The following PTPRD variants were observed in gnomAD, a reference collection of about 807,000 sequenced individuals.
The protein encoded by PTPRD is protein tyrosine phosphatase receptor type D.
A neutral mutation model predicts 214.5 loss-of-function variants in PTPRD; 34 were observed. That is an observed-to-expected ratio of 0.16 (90% CI 0.12 to 0.21). The LOEUF (loss-of-function observed/expected upper bound fraction) is 0.21, where lower values mean the gene tolerates loss of function less well. Ranked by LOEUF, PTPRD falls within the 10% of genes least tolerant of loss-of-function variation. The pLI, the probability that PTPRD is intolerant of heterozygous loss-of-function variation, is 1.00. For missense variants in PTPRD, 2,545 were observed against 2,398.7 expected (o/e 1.06, Z -1.27); for synonymous variants, 1,128 against 845.7 (o/e 1.33, Z -5.79).
In PTPRD at chr9:8,570,808, A is replaced by G. The variant is rs375466977; in HGVS notation, c.353-42029T>C. Among the ~76,000 whole-genome samples, 50 of 152,150 alleles carry G rather than the reference A, an allele frequency of 3.3e-4. 2 individuals are homozygous for G. The highest frequency in any genetic ancestry group is 1.2e-3 in the African/African-American group (49 of 41,524). On this transcript the variant is annotated intron_variant, in intron 14 of 45. Coordinates refer to ENST00000381196, the MANE Select transcript of PTPRD (RefSeq NM_002839.4). ...TAATGCTATTCCTCTTTGTCTGCAC[A>G]AAGCACCATGGCATAAAAAGCACAT...
intron 5 of PTPRD, among the ~76,000 whole-genome samples, chr9:9,790,136 T>G (rs2098957203): frequency 6.6e-6 from 1 of 152,160 alleles, no homozygotes; most frequent in Non-Finnish European, 1.5e-5. Context: ...GACTGTACTA[T>G]TCGTTAGCTC....
intron 12 of PTPRD, among the ~76,000 whole-genome samples, chr9:8,722,669 A>G (rs2098513756): frequency 6.6e-6 from 1 of 152,166 alleles, no homozygotes; most frequent in African/African-American, 2.4e-5. Context: ...CTGCAATTCT[A>G]TGTTGACCAT....
At chr9:10,487,161 C>T (rs1257812214) in intron 2 of PTPRD, among the ~76,000 whole-genome samples, 1 of 152,072 alleles carries the variant, frequency 6.6e-6, no homozygotes, top group East Asian at 1.9e-4. Context: ...TCTTTCCATT[C>T]CTTTATTTTC....
chr9:10,171,404 C>T (rs75788021), intron 3 of PTPRD, among the ~76,000 whole-genome samples: 1 of 152,186 alleles, frequency 6.6e-6, no homozygotes, highest in East Asian at 1.9e-4. Flanking sequence ...TTCTCTCTTG[C>T]CACGGACATG....
intron 2 of PTPRD, among the ~76,000 whole-genome samples, chr9:10,605,304 C>G (rs1349341853): frequency 6.6e-6 from 1 of 151,860 alleles, no homozygotes; most frequent in Non-Finnish European, 1.5e-5. Context: ...TTGACTGTAA[C>G]TGCTATTGTA....
chr9:8,487,111 A>T (rs1418192915), intron 27 of PTPRD, among the ~76,000 whole-genome samples: 1 of 152,238 alleles, frequency 6.6e-6, no homozygotes, highest in African/African-American at 2.4e-5. Context: ...AATGGGAATT[A>T]TATTAAGAGC....
chr9:9,082,290 A>G (rs186455438), intron 10 of PTPRD, among the ~76,000 whole-genome samples: 1 of 152,282 alleles, frequency 6.6e-6, no homozygotes, highest in East Asian at 1.9e-4. Context: ...CTGGGACACA[A>G]GGGTGGTTCA....
chr9:9,588,884 G>C (rs2092399546), intron 7 of PTPRD, among the ~76,000 whole-genome samples: 1 of 151,782 alleles, frequency 6.6e-6, no homozygotes, highest in South Asian at 2.1e-4. Context: ...TTATAGTTGG[G>C]TTCAAACTCT....
intron 35 of PTPRD, among the ~76,000 whole-genome samples, chr9:8,424,365 C>T (rs1035430410): frequency 6.6e-5 from 10 of 152,104 alleles, no homozygotes; most frequent in Non-Finnish European, 1.5e-4. Flanking sequence ...CCTAGCTTTG[C>T]CATTTACTAG....
In PTPRD at chr9:9,261,901, A is replaced by G. The variant is rs138435508; in HGVS notation, c.-202-78538T>C. On this transcript the variant is annotated intron_variant, in intron 9 of 45. Coordinates refer to ENST00000381196, the MANE Select transcript of PTPRD (RefSeq NM_002839.4). ...CACCACTTATTTAATTATCATTTCT[A>G]TTATTTTCCCAGGAAGGCATCCTAC... Among the ~76,000 whole-genome samples the G allele has an allele frequency of 4.3e-3, 651 of 151,856 alleles. 2 individuals are homozygous for G. The highest frequency in any genetic ancestry group is 0.015 in the African/African-American group (624 of 41,488).
At chr9:8,463,623 A>G (rs1048466291) in intron 32 of PTPRD, among the ~76,000 whole-genome samples, 11 of 152,000 alleles carry the variant, frequency 7.2e-5, no homozygotes, top group African/African-American at 2.4e-4. Flanking sequence ...TATGAAAATG[A>G]AAAGAAAACA....
At chr9:9,552,574 T>C (rs1457383911) in intron 8 of PTPRD, among the ~76,000 whole-genome samples, 1 of 152,098 alleles carries the variant, frequency 6.6e-6, no homozygotes, top group Admixed American at 6.6e-5. Flanking sequence ...TTCTCTGTAG[T>C]AAGCCTATAG....
At chr9:8,431,163 G>A (rs2381798) in intron 35 of PTPRD, among the ~76,000 whole-genome samples, 64,600 of 152,010 alleles carry the variant, frequency 0.42, 14,014 homozygotes, top group Admixed American at 0.52. Context: ...CAGTCAATTA[G>A]ATAGAGTTCA....
At chr9:8,996,979 T>C (rs552583481) in intron 11 of PTPRD, among the ~76,000 whole-genome samples, 191 of 152,236 alleles carry the variant, frequency 1.3e-3, no homozygotes, top group Non-Finnish European at 2.3e-3. Context: ...ATTTTATGTA[T>C]GTAACTTACA....
At chr9:8,938,549 T>C (rs185348632) in intron 11 of PTPRD, among the ~76,000 whole-genome samples, 2 of 152,144 alleles carry the variant, frequency 1.3e-5, no homozygotes, top group Non-Finnish European at 2.9e-5. Flanking sequence ...ATATTTAGTA[T>C]AGCACATAGA....
chr9:10,346,074 T>C (rs1252743748), intron 2 of PTPRD, among the ~76,000 whole-genome samples: 1 of 152,192 alleles, frequency 6.6e-6, no homozygotes, highest in Non-Finnish European at 1.5e-5. Context: ...ATTTAAGCAA[T>C]TATATTGAAA....
chr9:10,153,655 T>C (rs950182761), intron 3 of PTPRD, among the ~76,000 whole-genome samples: 5 of 152,210 alleles, frequency 3.3e-5, no homozygotes, highest in South Asian at 4.1e-4. Context: ...TTAAGCCTAG[T>C]ATTCATTAGT....
At chr9:10,566,739 T>TAAGAAATTTTCCCTTACCTTGAGTCATG (rs2065756651) in intron 2 of PTPRD, among the ~76,000 whole-genome samples, 1 of 152,032 alleles carries the variant, frequency 6.6e-6, no homozygotes, top group South Asian at 2.1e-4. Flanking sequence ...TTTTGCGACT[T>TAAGAAATTTTCCCTTACCTTGAGTCATG]AAGAAATTTT....
chr9:9,845,366 G>C (rs1408090852), intron 5 of PTPRD, among the ~76,000 whole-genome samples: 1 of 151,570 alleles, frequency 6.6e-6, no homozygotes, highest in Non-Finnish European at 1.5e-5. Context: ...AAAAGACTTT[G>C]GCAGTGTCCA....
Sources: allele counts gnomAD v4.1 joint callset (sites outside exome capture counted in the v4.1 genomes callset), GRCh38; gene constraint gnomAD v4.1.1; transcripts MANE v1.5; gene names NCBI Gene and HGNC (gene_info 2026-07-23, HGNC 2026-07-21).